The following OSBPL1A variants were observed in gnomAD, a reference collection of about 807,000 sequenced individuals.
OSBPL1A encodes the protein oxysterol-binding protein-related protein 1.
OSBPL1A carries 80 observed loss-of-function variants against 137.1 expected under a neutral mutation model. The ratio of observed to expected loss-of-function variants is 0.58; its 90% confidence interval spans 0.49 to 0.70. The LOEUF (loss-of-function observed/expected upper bound fraction) is 0.70, where lower values mean the gene tolerates loss of function less well. OSBPL1A is among the 30% of genes least tolerant of loss of function. OSBPL1A has a pLI of 0.00. For synonymous variants in OSBPL1A, 365 were observed against 389.7 expected (o/e 0.94, Z 0.75); for missense variants, 970 against 1,129.4 (o/e 0.86, Z 2.02).
At chr18:24,303,593 T>G in intron 14 of OSBPL1A, 44 bp downstream of exon 14, 1 of 1,479,314 alleles carries the variant, frequency 6.8e-7, no homozygotes, top group Non-Finnish European at 9.4e-7. Context: ...GGTCAGTATC[T>G]ATGTGTTAAA....
chr18:24,255,343 A>T (rs2089238892), intron 15 of OSBPL1A, among the ~76,000 whole-genome samples: 1 of 152,214 alleles, frequency 6.6e-6, no homozygotes, highest in African/African-American at 2.4e-5. Context: ...TTCCAAACTT[A>T]TTGCATTACA....
chr18:24,338,604 A>G (rs529611033), intron 5 of OSBPL1A, among the ~76,000 whole-genome samples: 2 of 152,192 alleles, frequency 1.3e-5, no homozygotes, highest in East Asian at 3.9e-4. Flanking sequence ...CCTTCTCCCA[A>G]GTAACAGCTC....
chr18:24,201,047 C>A (rs914355431), intron 17 of OSBPL1A, among the ~76,000 whole-genome samples: 14 of 152,068 alleles, frequency 9.2e-5, no homozygotes, highest in Admixed American at 5.9e-4. Context: ...AGGCTGAAAG[C>A]ACAGCTCAGT....
intron 17 of OSBPL1A, among the ~76,000 whole-genome samples, chr18:24,208,655 A>G (rs1184442552): frequency 1.3e-5 from 2 of 152,228 alleles, no homozygotes; most frequent in African/African-American, 4.8e-5. Context: ...ATTAGATTCC[A>G]AGCCCTGTTG....
At chr18:24,224,813 C>G (rs1305111712) in intron 17 of OSBPL1A, among the ~76,000 whole-genome samples, 1 of 152,188 alleles carries the variant, frequency 6.6e-6, no homozygotes, top group Non-Finnish European at 1.5e-5. Context: ...TTATGTGCCC[C>G]TCTAAGAACA....
chr18:24,301,416 A>G (rs2090397658), intron 14 of OSBPL1A: 1 of 152,230 alleles, frequency 6.6e-6, no homozygotes, highest in African/African-American at 2.4e-5. Flanking sequence ...GGTTAAATGA[A>G]TTAATCTTCA....
At chr18:24,277,784 A>T (rs928956415) in intron 15 of OSBPL1A, among the ~76,000 whole-genome samples, 4 of 152,212 alleles carry the variant, frequency 2.6e-5, no homozygotes, top group African/African-American at 9.6e-5. Context: ...TAGAAATGCC[A>T]CTTACCTTTC....
At chr18:24,242,142 G>A (rs879554996) in intron 15 of OSBPL1A, among the ~76,000 whole-genome samples, 5 of 151,842 alleles carry the variant, frequency 3.3e-5, no homozygotes, top group Non-Finnish European at 5.9e-5. Context: ...GGGGGGCAAG[G>A]AGAGGGAGAG....
At chr18:24,200,199 T>G (rs2145951374) in intron 17 of OSBPL1A, among the ~76,000 whole-genome samples, 1 of 152,362 alleles carries the variant, frequency 6.6e-6, no homozygotes, top group African/African-American at 2.4e-5. Flanking sequence ...ACATGAAATC[T>G]AGTCTTAACA....
chr18:24,276,434 G>GT (rs1312228060), intron 15 of OSBPL1A, among the ~76,000 whole-genome samples: 1 of 152,010 alleles, frequency 6.6e-6, no homozygotes. Flanking sequence ...AGCATAAGCA[G>GT]TTTTTTTGTT....
At position 24,163,061 on chromosome 18, in the gene OSBPL1A, A is replaced by G. The variant is rs930077132; in HGVS notation, c.*118T>C. ...TTGTTGGGTGAAATGCAGTTATCTC[A>G]TGAGTGTTTTTTCATTTTTTTTTTT... On this transcript the variant is annotated 3_prime_UTR_variant, in exon 28 of 28. Transcript: ENST00000319481. The G allele has an allele frequency of 1.4e-6, 1 of 689,882 alleles. No homozygotes were observed. The highest frequency in any genetic ancestry group is 2.0e-5 in the South Asian group (1 of 49,342). The allele number at this position is 689,882 out of a possible 1,614,324, so 42.7% of individuals were successfully genotyped here. A position where few individuals can be genotyped will look rare whatever the true frequency, so the allele number is the denominator to read the frequency against.
intron 17 of OSBPL1A, chr18:24,218,229 T>C (rs550263485): frequency 2.0e-5 from 3 of 152,190 alleles, no homozygotes; most frequent in Admixed American, 1.3e-4. Flanking sequence ...ATAATAGTAC[T>C]GTGGTTTAGA....
At chr18:24,260,837 CAA>C (rs71373370) in intron 15 of OSBPL1A, among the ~76,000 whole-genome samples, 2 of 120,414 alleles carry the variant, frequency 1.7e-5, no homozygotes, top group Admixed American at 9.2e-5. Context: ...TAAAAGAACT[CAA>C]AAAAAAAAAA....
At chr18:24,252,970 CA>C (rs1204488266) in intron 15 of OSBPL1A, among the ~76,000 whole-genome samples, 3 of 150,910 alleles carry the variant, frequency 2.0e-5, no homozygotes, top group African/African-American at 4.9e-5. Flanking sequence ...ATACAATACA[CA>C]AAAAATAAAA....
chr18:24,186,902 TCAAAA>T (rs1417029961), intron 18 of OSBPL1A, among the ~76,000 whole-genome samples: 2 of 24,746 alleles, frequency 8.1e-5, no homozygotes, highest in Non-Finnish European at 1.4e-4. Flanking sequence ...AGACTCTGTC[TCAAAA>T]AAAAAAAAAA....
At chr18:24,356,832 A>G (rs139939391) in intron 4 of OSBPL1A, among the ~76,000 whole-genome samples, 43 of 152,320 alleles carry the variant, frequency 2.8e-4, no homozygotes, top group African/African-American at 9.6e-4. Context: ...ATCTGCCACT[A>G]TAAAACCCAG....
chr18:24,263,206 G>C (rs2089482937), intron 15 of OSBPL1A, among the ~76,000 whole-genome samples: 1 of 152,162 alleles, frequency 6.6e-6, no homozygotes, highest in Non-Finnish European at 1.5e-5. Context: ...CAACTTAGGA[G>C]GTTATATGTC....
intron 4 of OSBPL1A, among the ~76,000 whole-genome samples, chr18:24,350,726 T>C (rs1826541921): frequency 6.6e-6 from 1 of 152,068 alleles, no homozygotes; most frequent in African/African-American, 2.4e-5. Flanking sequence ...ACACAATACC[T>C]CCAAAATTCT....
intron 15 of OSBPL1A, among the ~76,000 whole-genome samples, chr18:24,269,051 A>T (rs115028890): frequency 0.018 from 2,734 of 152,140 alleles, 80 homozygotes; most frequent in African/African-American, 0.061. Flanking sequence ...ACCAGCTCCT[A>T]TTCATGCCGT....
Sources: allele counts gnomAD v4.1 joint callset (sites outside exome capture counted in the v4.1 genomes callset), GRCh38; gene constraint gnomAD v4.1.1; transcripts MANE v1.5; gene names NCBI Gene and HGNC (gene_info 2026-07-23, HGNC 2026-07-21).